The following SUGCT variants were observed in gnomAD, a reference collection of about 807,000 sequenced individuals.
SUGCT encodes the protein succinyl-CoA:glutarate CoA-transferase.
Under a neutral mutation model 55.0 loss-of-function variants are expected in SUGCT, and 41 were observed. That is an observed-to-expected ratio of 0.74 (90% CI 0.58 to 0.97). The LOEUF is 0.97. SUGCT is among the 50% of genes least tolerant of loss of function. The pLI is 0.00. For missense variants in SUGCT, 568 were observed against 547.8 expected (o/e 1.04, Z -0.37); for synonymous variants, 187 against 200.4 (o/e 0.93, Z 0.56).
intron 1 of SUGCT, among the ~76,000 whole-genome samples, chr7:40,156,245 C>A (rs1013824929): frequency 6.6e-6 from 1 of 152,164 alleles, no homozygotes; most frequent in Non-Finnish European, 1.5e-5. Flanking sequence ...AGGCGGATCA[C>A]GAGGTCAGGA....
chr7:40,176,206 A>G (rs922518789), intron 1 of SUGCT, among the ~76,000 whole-genome samples: 3 of 151,324 alleles, frequency 2.0e-5, no homozygotes, highest in African/African-American at 7.4e-5. Flanking sequence ...TGGGTGACAG[A>G]GCAAGACTCC....
chr7:40,865,403 T>G (rs1794561531), downstream of SUGCT, among the ~76,000 whole-genome samples: 1 of 152,200 alleles, frequency 6.6e-6, no homozygotes, highest in African/African-American at 2.4e-5. Flanking sequence ...TAGCTGCCAC[T>G]TCTTGTCCCT....
chr7:40,463,713 G>A lies in SUGCT; in HGVS notation c.986+4515G>A, dbSNP rs554607754. 2.6e-5 allele frequency among the ~76,000 whole-genome samples: 4 copies of A among 152,260 alleles called. No homozygotes were observed. The East Asian group carries it at 7.7e-4, about 29-fold the overall frequency. Reference sequence around the variant, plus strand: ...CGATTCCCCTCAAATGCTCTCAAGTGTTACTATTCCCCAACCAGGGCTGTG... The same window carrying A: ...CGATTCCCCTCAAATGCTCTCAAGTATTACTATTCCCCAACCAGGGCTGTG... On this transcript the variant is annotated intron_variant, in intron 11 of 13. Transcript: ENST00000335693.
chr7:40,700,285 C>G (rs936865146), intron 12 of SUGCT, among the ~76,000 whole-genome samples: 1 of 152,178 alleles, frequency 6.6e-6, no homozygotes, highest in Non-Finnish European at 1.5e-5. Context: ...CATCTTAGGA[C>G]TGGAGATCCC....
chr7:40,782,406 T>C (rs1267567010), intron 13 of SUGCT, among the ~76,000 whole-genome samples: 1 of 152,202 alleles, frequency 6.6e-6, no homozygotes, highest in African/African-American at 2.4e-5. Flanking sequence ...TCAGGCTGTC[T>C]ATTAATACAA....
chr7:40,665,105 A>C (rs1328841887), intron 12 of SUGCT, among the ~76,000 whole-genome samples: 1 of 152,078 alleles, frequency 6.6e-6, no homozygotes. Context: ...TAGATACATA[A>C]GGCTGGGCCA....
At chr7:40,204,647 A>T (rs1786848949) in intron 6 of SUGCT, among the ~76,000 whole-genome samples, 1 of 151,874 alleles carries the variant, frequency 6.6e-6, no homozygotes, top group Non-Finnish European at 1.5e-5. Context: ...TCTTGGAGCC[A>T]GGCACATTAA....
At chr7:40,991,458 T>C in the SUGCT span, among the ~76,000 whole-genome samples, 1 of 151,774 alleles carries the variant, frequency 6.6e-6, no homozygotes, top group Non-Finnish European at 1.5e-5. Context: ...ACGAAGTGAG[T>C]GCAGGCTGTT....
chr7:41,008,751 C>G, the SUGCT span, among the ~76,000 whole-genome samples: 5 of 152,096 alleles, frequency 3.3e-5, no homozygotes, highest in South Asian at 1.0e-3. Context: ...GGCAAATGCG[C>G]CCTTCCCTGG....
At chr7:40,720,789 G>A (rs184770363) in intron 12 of SUGCT, among the ~76,000 whole-genome samples, 1 of 152,026 alleles carries the variant, frequency 6.6e-6, no homozygotes, top group Admixed American at 6.6e-5. Flanking sequence ...CATCCCTTAC[G>A]TATCATCTTT....
intron 11 of SUGCT, among the ~76,000 whole-genome samples, chr7:40,462,008 G>T (rs143240602): frequency 6.6e-6 from 1 of 152,238 alleles, no homozygotes; most frequent in Admixed American, 6.5e-5. Flanking sequence ...TTGTTTATGC[G>T]CTCAAGAAAT....
intron 11 of SUGCT, among the ~76,000 whole-genome samples, chr7:40,459,834 C>G (rs972343234): frequency 6.6e-6 from 1 of 152,004 alleles, no homozygotes; most frequent in Non-Finnish European, 1.5e-5. Flanking sequence ...TTTTGTAATA[C>G]CTGTACCAAT....
At chr7:40,489,212 C>G (rs1391358800) in intron 11 of SUGCT, among the ~76,000 whole-genome samples, 1 of 148,264 alleles carries the variant, frequency 6.7e-6, no homozygotes, top group Non-Finnish European at 1.5e-5. Context: ...GTTTCTTCTA[C>G]TTGGTTAATT....
intron 13 of SUGCT, among the ~76,000 whole-genome samples, chr7:40,824,478 T>C (rs948562854): frequency 6.6e-6 from 1 of 152,154 alleles, no homozygotes; most frequent in African/African-American, 2.4e-5. Context: ...ATGATGGCTA[T>C]GGTTGAGGTA....
At chr7:40,830,496 C>T (rs1174781414) in intron 13 of SUGCT, among the ~76,000 whole-genome samples, 1 of 152,168 alleles carries the variant, frequency 6.6e-6, no homozygotes, top group Admixed American at 6.5e-5. Flanking sequence ...ATTCCCTCTT[C>T]TTAGATGCCT....
chr7:40,158,691 AGTGAG>A (rs1281787256), intron 1 of SUGCT, among the ~76,000 whole-genome samples: 1 of 152,224 alleles, frequency 6.6e-6, no homozygotes, highest in Admixed American at 6.5e-5. Flanking sequence ...CAGAGGTTGC[AGTGAG>A]CTGAGATTGT....
At chr7:40,281,567 A>G (rs989301077) in intron 8 of SUGCT, among the ~76,000 whole-genome samples, 1 of 152,206 alleles carries the variant, frequency 6.6e-6, no homozygotes, top group Non-Finnish European at 1.5e-5. Flanking sequence ...ATATTGCTAA[A>G]TGCTTTTTCT....
In SUGCT at chr7:40,473,639, GA is replaced by G. The variant is rs971371770; in HGVS notation, c.986+14451del. 2.9e-3 allele frequency among the ~76,000 whole-genome samples: 433 copies of G among 148,252 alleles called. 3 individuals carry two copies. Among genetic ancestry groups the G allele is most frequent in the African/African-American group, 1.0e-2 (405 of 40,538 alleles). On this transcript the variant is annotated intron_variant, in intron 11 of 13. Coordinates refer to ENST00000335693, the MANE Select transcript of SUGCT (RefSeq NM_001193313.2). ...ATCCACAAATGCACTAGGAGGAGCAGAAAAAAAAAATGGTGGCATGATTTAA... is the reference window on the plus strand; with the variant it reads ...ATCCACAAATGCACTAGGAGGAGCAGAAAAAAAAATGGTGGCATGATTTAA...
intron 7 of SUGCT, among the ~76,000 whole-genome samples, chr7:40,245,404 C>CATATATAT (rs202125224): frequency 0.014 from 744 of 53,064 alleles, 30 homozygotes; most frequent in African/African-American, 0.04. Flanking sequence ...ACGTAGTAGA[C>CATATATAT]ATATATATAT....
Sources: allele counts gnomAD v4.1 joint callset (sites outside exome capture counted in the v4.1 genomes callset), GRCh38; gene constraint gnomAD v4.1.1; transcripts MANE v1.5; gene names NCBI Gene and HGNC (gene_info 2026-07-23, HGNC 2026-07-21).